FAM83F: variants seen among roughly 807,000 people sequenced by gnomAD.
FAM83F encodes scaffolding CK1 anchoring protein F.
Under a neutral mutation model 42.9 loss-of-function variants are expected in FAM83F, and 45 were observed. That is an observed-to-expected ratio of 1.05 (90% CI 0.83 to 1.35). The LOEUF is 1.35. Among genes scored for constraint, FAM83F ranks in the 40% most tolerant of loss-of-function variants. The pLI is 0.00. For missense variants in FAM83F, 617 were observed against 695.9 expected, an observed-to-expected ratio of 0.89 and a Z score of 1.28; for synonymous variants, 306 against 298.3, an observed-to-expected ratio of 1.03 and a Z score of -0.27.
chr22:39,999,822 A>G (rs972853252), intron 1 of FAM83F, among the ~76,000 whole-genome samples: 1 of 152,146 alleles, frequency 6.6e-6, no homozygotes, highest in African/African-American at 2.4e-5. Context: ...AAGGAGGGTA[A>G]CCAGCCAGGC....
rs901285814 is a variant in FAM83F at position 40,033,133 on chromosome 22, G to A, written c.*3568G>A. 4 of 151,970 alleles carry A rather than the reference G, an allele frequency of 2.6e-5. No homozygotes were observed. Among genetic ancestry groups the A allele is most frequent in the South Asian group, 2.1e-4 (1 of 4,824 alleles). The allele number at this position is 151,970 out of a possible 1,614,324, so 9.4% of individuals were successfully genotyped here. On this transcript the variant is annotated 3_prime_UTR_variant, in exon 5 of 5. Coordinates refer to ENST00000333407, the MANE Select transcript of FAM83F (RefSeq NM_138435.4). ...AATGTCTTGCTCTGTCGATCAGGCT[G>A]GAGTGCAGTGGCGTCATCTCAGCTC...
chr22:40,026,466 G>T (rs188307662), intron 4 of FAM83F, among the ~76,000 whole-genome samples: 119 of 152,316 alleles, frequency 7.8e-4, no homozygotes, highest in African/African-American at 2.8e-3. Flanking sequence ...GTTGCAGTGA[G>T]TGGAGATCAC....
chr22:40,019,408 C>A lies in FAM83F; in HGVS notation c.657+73C>A, dbSNP rs1191541738. On this transcript the variant is annotated intron_variant, in intron 2 of 4. Coordinates refer to ENST00000333407, the MANE Select transcript of FAM83F (RefSeq NM_138435.4). The stretch of plus-strand genomic sequence containing the variant: ...ACTACCTCTGCCCCGTCCTGCAGCT[C>A]CCCCCTGCCTCTTCCCTGAATGGGG... 19 of 1,413,628 alleles carry A rather than the reference C, an allele frequency of 1.3e-5. No individual in the cohort carries two copies. In the East Asian group the frequency reaches 2.8e-4, roughly 21 times the overall value. The allele number at this position is 1,413,628 out of a possible 1,614,324, so 87.6% of individuals were successfully genotyped here.
intron 1 of FAM83F, among the ~76,000 whole-genome samples, chr22:40,004,889 T>G (rs1339641180): frequency 6.6e-6 from 1 of 152,240 alleles, no homozygotes; most frequent in Non-Finnish European, 1.5e-5. Context: ...GCACCTGTAC[T>G]GAGCTCCAGG....
intron 1 of FAM83F, among the ~76,000 whole-genome samples, chr22:40,016,654 A>ATTATTTTATT (rs559006074): frequency 6.6e-6 from 1 of 151,686 alleles, no homozygotes; most frequent in Admixed American, 6.6e-5. Flanking sequence ...TTTTAATTTT[A>ATTATTTTATT]TTATTTTATT....
chr22:40,037,202 T>C lies in FAM83F; in HGVS notation c.*7637T>C, dbSNP rs1055269193. On this transcript the variant is annotated 3_prime_UTR_variant, in exon 5 of 5. Coordinates refer to ENST00000333407, the MANE Select transcript of FAM83F (RefSeq NM_138435.4). ...GCCTGGCCAACGTGGTGAAACCCTG[T>C]CTCTATTAAAAATACAAAAATTAGC... 25 of 152,244 alleles carry C rather than the reference T, an allele frequency of 1.6e-4. No homozygotes were observed. Among genetic ancestry groups the C allele is most frequent in the African/African-American group, 6.0e-4 (25 of 41,502 alleles). The allele number at this position is 152,244 out of a possible 1,614,324, so 9.4% of individuals were successfully genotyped here. A position where few individuals can be genotyped will look rare whatever the true frequency, so the allele number is the denominator to read the frequency against.
At position 40,029,605 on chromosome 22, in the gene FAM83F, C is replaced by T. The variant is rs779185166; in HGVS notation, c.*40C>T. 7 of 1,599,334 alleles carry T rather than the reference C, an allele frequency of 4.4e-6. No homozygotes were observed. Among genetic ancestry groups the T allele is most frequent in the South Asian group, 1.1e-5 (1 of 88,578 alleles). On this transcript the variant is annotated 3_prime_UTR_variant, in exon 5 of 5. Coordinates refer to ENST00000333407, the MANE Select transcript of FAM83F (RefSeq NM_138435.4). ...GTGGGCAGGACGTGTGGATGCCTGC[C>T]TGCCCTGCCCTGTGCTGTGGAGAGC...
chr22:40,027,661 C>G (rs1215962832), intron 4 of FAM83F, among the ~76,000 whole-genome samples: 1 of 152,268 alleles, frequency 6.6e-6, no homozygotes. Flanking sequence ...TCAAGCCAAG[C>G]CAGTTTCTCT....
intron 1 of FAM83F, among the ~76,000 whole-genome samples, chr22:40,001,060 A>C (rs888442514): frequency 1.3e-5 from 2 of 152,188 alleles, no homozygotes; most frequent in African/African-American, 4.8e-5. Context: ...CCTTTCTGGG[A>C]TCTTGCCCCG....
intron 1 of FAM83F, among the ~76,000 whole-genome samples, chr22:39,996,288 G>A (rs1339387109): frequency 1.3e-5 from 2 of 152,188 alleles, no homozygotes; most frequent in East Asian, 3.9e-4. Context: ...ACAGGTGGAA[G>A]ACTTTAATCT....
chr22:40,009,363 C>T (rs920745691), intron 1 of FAM83F, among the ~76,000 whole-genome samples: 2 of 152,170 alleles, frequency 1.3e-5, no homozygotes, highest in Admixed American at 1.3e-4. Context: ...GCCGCACCCG[C>T]CCGAGTCCTG....
At chr22:40,008,731 C>T (rs755493598) in intron 1 of FAM83F, among the ~76,000 whole-genome samples, 2 of 152,210 alleles carry the variant, frequency 1.3e-5, no homozygotes, top group Non-Finnish European at 2.9e-5. Context: ...CTTCAATACG[C>T]ATACCCACAT....
intron 1 of FAM83F, among the ~76,000 whole-genome samples, chr22:39,999,416 G>A (rs551186958): frequency 9.2e-5 from 14 of 152,296 alleles, no homozygotes; most frequent in Admixed American, 3.9e-4. Context: ...TACCACATCC[G>A]CTTCTCAAAG....
At position 40,034,326 on chromosome 22, in the gene FAM83F, A is replaced by C. The variant is rs5995796; in HGVS notation, c.*4761A>C. On this transcript the variant is annotated 3_prime_UTR_variant, in exon 5 of 5. Transcript: ENST00000333407. ...GCAGGAGGTTTGCTGCAAATCAGGT[A>C]CCCCCAGCTCAGTGAGCAGAACCAG... The C allele has an allele frequency of 1.3e-5, 2 of 152,358 alleles. No homozygotes were observed. The highest frequency in any genetic ancestry group is 4.8e-5 in the African/African-American group (2 of 41,530). The allele number at this position is 152,358 out of a possible 1,614,324, so 9.4% of individuals were successfully genotyped here.
chr22:40,001,852 C>G (rs764484498), intron 1 of FAM83F, among the ~76,000 whole-genome samples: 3 of 152,116 alleles, frequency 2.0e-5, no homozygotes, highest in African/African-American at 7.2e-5. Flanking sequence ...GGAGCCCCAC[C>G]CAGGAGATTA....
intron 4 of FAM83F, among the ~76,000 whole-genome samples, chr22:40,022,676 G>C (rs1220077278): frequency 6.6e-6 from 1 of 152,206 alleles, no homozygotes; most frequent in Non-Finnish European, 1.5e-5. Context: ...CTCTGCAGCA[G>C]TCTCTGGGGT....
Position 40,035,743 on chromosome 22 carries a change from T to G in FAM83F, c.*6178T>G, listed in dbSNP as rs565180311. ...ATCCCCGAACTTTCCTGTTTCCTCATGTGTCAAATGGGGATGATCTCGAGA... is the reference window on the plus strand; with the variant it reads ...ATCCCCGAACTTTCCTGTTTCCTCAGGTGTCAAATGGGGATGATCTCGAGA... On this transcript the variant is annotated 3_prime_UTR_variant, in exon 5 of 5. Coordinates refer to ENST00000333407, the MANE Select transcript of FAM83F (RefSeq NM_138435.4). 2 of 152,334 alleles carry G rather than the reference T, an allele frequency of 1.3e-5. No individual in the cohort carries two copies. The highest frequency in any genetic ancestry group is 4.1e-4 in the South Asian group (2 of 4,828). 9.4% of individuals were successfully genotyped at this position (152,334 alleles called of 1,614,324 possible). A position where few individuals can be genotyped will look rare whatever the true frequency, so the allele number is the denominator to read the frequency against.
chr22:40,021,963 G>A lies in FAM83F; in HGVS notation c.1453G>A (p.Gly485Ser). ...PNENSSADIS[G>S]KTSPSSAKPS... ...CGAGAATTCCAGTGCTGACATCTCA[G>A]GTGAGCCCTCTTCCCTCTGGCCTGG... The change falls in exon 4 of 5, where the codon GGT becomes AGT. Residue 485 changes from glycine (G) to serine (S), a missense_variant and splice_region_variant. Gly to Ser is a moderately conservative substitution (Grantham distance 56, BLOSUM62 0). Transcript: ENST00000333407. The surrounding 1 kb of genome is among the most constrained non-coding windows in gnomAD (Gnocchi z 8.7). 2 of 1,545,602 alleles carry A rather than the reference G, an allele frequency of 1.3e-6. No homozygotes were observed. Among genetic ancestry groups the A allele is most frequent in the Non-Finnish European group, 1.7e-6 (2 of 1,146,014 alleles).
chr22:40,007,431 TCTC>T (rs1295424456), intron 1 of FAM83F, among the ~76,000 whole-genome samples: 1 of 962 alleles, frequency 1.0e-3, no homozygotes, highest in African/African-American at 5.1e-3. Context: ...CCTCCTCTCC[TCTC>T]CTCCTCTCCT....
Sources: gnomAD v4.1 joint callset for allele counts (sites outside exome capture counted in the v4.1 genomes callset) on GRCh38, gnomAD v4.1.1 for gene constraint, Gnocchi (gnomAD v3.1) non-coding constraint, MANE v1.5 for transcripts, NCBI Gene and HGNC (gene_info 2026-07-23, HGNC 2026-07-21) for gene names.